The following NUP214 variants were observed in gnomAD, a reference collection of about 807,000 sequenced individuals.
NUP214 encodes the protein nuclear pore complex protein Nup214.
Under a neutral mutation model 196.2 loss-of-function variants are expected in NUP214, and 79 were observed. The observed-to-expected ratio is 0.40, with a 90% CI of 0.34 to 0.49. The LOEUF is 0.49. Among genes scored for constraint, NUP214 ranks in the 20% least tolerant of loss-of-function variants. The pLI, the probability that NUP214 is intolerant of heterozygous loss-of-function variation, is 0.58. For missense variants in NUP214, 2,468 were observed against 2,539.0 expected (o/e 0.97, Z 0.60); for synonymous variants, 1,020 against 990.5 (o/e 1.03, Z -0.56).
intron 29 of NUP214, among the ~76,000 whole-genome samples, chr9:131,201,033 T>TA (rs1833924445): frequency 6.6e-6 from 1 of 150,666 alleles, no homozygotes; most frequent in South Asian, 2.1e-4. Flanking sequence ...CTTTAGAACT[T>TA]ACACTATTTT....
chr9:131,192,513 A>G (rs1166842886), intron 27 of NUP214: 3 of 369,540 alleles, frequency 8.1e-6, no homozygotes, highest in African/African-American at 2.1e-5. Context: ...ATATTTGTGT[A>G]TCTGTTTTGT....
At chr9:131,173,764 C>G (rs747473190) in intron 21 of NUP214, among the ~76,000 whole-genome samples, 1 of 151,952 alleles carries the variant, frequency 6.6e-6, no homozygotes, top group Non-Finnish European at 1.5e-5. Flanking sequence ...AGTGAGGGCT[C>G]CAGGCTTCTA....
At chr9:131,184,131 A>G (rs1284568785) in intron 24 of NUP214, among the ~76,000 whole-genome samples, 4 of 147,178 alleles carry the variant, frequency 2.7e-5, no homozygotes, top group Non-Finnish European at 5.9e-5. Context: ...CTCAGGTTCA[A>G]GCGATTCTCC....
At chr9:131,156,975 T>A (rs997860109) in intron 17 of NUP214, among the ~76,000 whole-genome samples, 1 of 152,148 alleles carries the variant, frequency 6.6e-6, no homozygotes, top group East Asian at 1.9e-4. Context: ...TTATTTTATT[T>A]TTTTTTAGGA....
At chr9:131,190,579 G>T in intron 26 of NUP214, 1 of 607,530 alleles carries the variant, frequency 1.6e-6, no homozygotes, top group Non-Finnish European at 2.9e-6. Flanking sequence ...TTGAAAAAGA[G>T]CATTTCTAAA....
At chr9:131,185,235 T>C (rs984916939) in intron 24 of NUP214, among the ~76,000 whole-genome samples, 1 of 152,226 alleles carries the variant, frequency 6.6e-6, no homozygotes, top group African/African-American at 2.4e-5. Flanking sequence ...CATGTGTGCA[T>C]TTGTCTGCCT....
At chr9:131,223,489 AG>A (rs1183380862) in intron 32 of NUP214, among the ~76,000 whole-genome samples, 20 of 152,002 alleles carry the variant, frequency 1.3e-4, no homozygotes, top group Middle Eastern at 3.4e-3. Flanking sequence ...AAGAGAACAC[AG>A]ATTCTTCTTG....
Position 131,150,330 on chromosome 9 carries a change from T to A in NUP214, c.2047T>A (p.Ser683Thr), listed in dbSNP as rs1164050179. The A allele has an allele frequency of 5.0e-6, 8 of 1,614,138 alleles. No homozygotes were observed. The highest frequency in any genetic ancestry group is 6.8e-6 in the Non-Finnish European group (8 of 1,179,964). The change falls in exon 15 of 36, where the codon TCA becomes ACA. Residue 683 changes from serine to threonine, a missense_variant. Ser to Thr is a moderately conservative substitution (Grantham distance 58). Coordinates refer to ENST00000359428, the MANE Select transcript of NUP214 (RefSeq NM_005085.4). ...CCTTTTCCTTCCATTTCAGGCAAAG[T>A]CACTTCAGCCTGCTGTTGCAGAAAA... Reference protein sequence around the residue: ...AAKPGSPQAKSLQPAVAEKQG... With the variant: ...AAKPGSPQAKTLQPAVAEKQG...
chr9:131,192,352 C>A, intron 27 of NUP214, 60 bp downstream of exon 27: 7 of 976,520 alleles, frequency 7.2e-6, no homozygotes, highest in South Asian at 4.3e-5. Context: ...CCAAATCTTA[C>A]AATTATAGAT....
chr9:131,204,059 A>C (rs958484749), intron 30 of NUP214, among the ~76,000 whole-genome samples: 1 of 152,158 alleles, frequency 6.6e-6, no homozygotes, highest in Admixed American at 6.5e-5. Context: ...CCCTGAAGGA[A>C]AGGAACTTTA....
chr9:131,198,439 C>T lies in NUP214; in HGVS notation c.4945C>T (p.Pro1649Ser), dbSNP rs763661849. The T allele has an allele frequency of 6.2e-7, 1 of 1,614,114 alleles. No individual in the cohort carries two copies. Among genetic ancestry groups the T allele is most frequent in the African/African-American group, 1.3e-5 (1 of 74,942 alleles). Residue 1649 changes from proline (P) to serine (S), a missense_variant, in exon 29 of 36, where the codon CCT becomes TCT. Pro to Ser is a moderately conservative substitution (Grantham distance 74). This residue lies in a region of NUP214 where 1,801 missense variants were observed against 1,779.4 expected (regional missense o/e 1.01). Coordinates refer to ENST00000359428, the MANE Select transcript of NUP214 (RefSeq NM_005085.4). ...TSGSSVFAQP[P>S]AASSSSAFNQ... Reference sequence around the variant, plus strand: ...TGGCTCATCCGTCTTTGCTCAGCCTCCTGCTGCCAGTTCTAGCTCAGCTTT... The same window carrying T: ...TGGCTCATCCGTCTTTGCTCAGCCTTCTGCTGCCAGTTCTAGCTCAGCTTT...
rs1831710553 is a variant in NUP214, at chr9:131,135,863, G to T, written c.939-77G>T. On this transcript the variant is annotated intron_variant, in intron 8 of 35. Transcript: ENST00000359428. Reference sequence around the variant, plus strand: ...TGACATGTGGAGGCAGCCCTCACAGGTGTTACCTGCAGACCCAGGTTAGCT... The same window carrying T: ...TGACATGTGGAGGCAGCCCTCACAGTTGTTACCTGCAGACCCAGGTTAGCT... The T allele has an allele frequency of 8.0e-6, 9 of 1,120,152 alleles. No individual in the cohort carries two copies. In the South Asian group the frequency reaches 1.2e-4, roughly 15 times the overall value. 69.4% of individuals were successfully genotyped at this position (1,120,152 alleles called of 1,614,324 possible).
intron 16 of NUP214, among the ~76,000 whole-genome samples, chr9:131,151,374 A>G (rs1832258344): frequency 6.6e-6 from 1 of 152,244 alleles, no homozygotes; most frequent in Non-Finnish European, 1.5e-5. Context: ...GTAGTGCCAG[A>G]ATTCTGCTTC....
intron 9 of NUP214, among the ~76,000 whole-genome samples, chr9:131,138,050 G>A (rs1588125907): frequency 6.6e-6 from 1 of 152,060 alleles, no homozygotes; most frequent in African/African-American, 2.4e-5. Context: ...GAACGTGTCT[G>A]TTACCTGCTC....
chr9:131,191,301 T>G (rs944296726), intron 26 of NUP214: 2 of 150,386 alleles, frequency 1.3e-5, no homozygotes, highest in Non-Finnish European at 3.0e-5. Flanking sequence ...CTGTCTCTAC[T>G]AAAAAAAAAT....
chr9:131,151,472 A>T (rs1228023580), intron 16 of NUP214, among the ~76,000 whole-genome samples: 2 of 152,250 alleles, frequency 1.3e-5, no homozygotes, highest in Non-Finnish European at 2.9e-5. Context: ...TTATCTTCAC[A>T]TAGTAGTGTT....
rs1832084707 is a variant in NUP214 at position 131,146,246 on chromosome 9, T to A, written c.1887T>A (p.Pro629=). 1.2e-6 allele frequency: 2 copies of A among 1,614,034 alleles called. No homozygotes were observed. Among genetic ancestry groups the A allele is most frequent in the Non-Finnish European group, 1.7e-6 (2 of 1,179,980 alleles). ...CTGGACCACTCAGCCACCCCACACC[T>A]CTCTCAGCACCACCTAGTTCCGTGC... ...AASGPLSHPT[P]LSAPPSSVPL... is the part of the protein sequence containing the mutation. The change falls in exon 13 of 36, where the codon CCT becomes CCA. Residue 629 remains proline, a synonymous_variant. Coordinates refer to ENST00000359428, the MANE Select transcript of NUP214 (RefSeq NM_005085.4). The surrounding 1 kb of genome is among the most constrained non-coding windows in gnomAD (Gnocchi z 4.6).
At chr9:131,142,654 T>C (rs1442673578) in intron 11 of NUP214, among the ~76,000 whole-genome samples, 1 of 152,274 alleles carries the variant, frequency 6.6e-6, no homozygotes. Flanking sequence ...GAAAGTGTTT[T>C]AACATCTATG....
Position 131,146,040 on chromosome 9 carries a change from A to ACT in NUP214, c.1770-89_1770-88insCT. 1 of 1,227,796 alleles carries ACT rather than the reference A, an allele frequency of 8.1e-7. No homozygotes were observed. Among genetic ancestry groups the ACT allele is most frequent in the Non-Finnish European group, 1.2e-6 (1 of 868,016 alleles). The allele number at this position is 1,227,796 out of a possible 1,614,324, so 76.1% of individuals were successfully genotyped here. On this transcript the variant is annotated intron_variant, in intron 12 of 35. Transcript: ENST00000359428. This position sits in a 1 kb window ranked among gnomAD's most constrained non-coding sequence, Gnocchi z 4.6. ...TCTTTGTAAGTTAACATAAAAGATA[A>ACT]TAAGTTATCTTTTGATGACATTGCT...
Sources: gnomAD v4.1 joint callset for allele counts (sites outside exome capture counted in the v4.1 genomes callset) on GRCh38, gnomAD v4.1.1 for gene constraint, gnomAD v4.1.1 regional missense constraint, Gnocchi (gnomAD v3.1) non-coding constraint, MANE v1.5 for transcripts, NCBI Gene and HGNC (gene_info 2026-07-23, HGNC 2026-07-21) for gene names.